LRRC61: variants seen among roughly 807,000 people sequenced by gnomAD.
LRRC61 encodes the protein leucine rich repeat containing 61, also known as leucine-rich repeat-containing protein 61.
A neutral mutation model predicts 15.1 loss-of-function variants in LRRC61; 9 were observed. That is an observed-to-expected ratio of 0.60 (90% CI 0.36 to 1.04). The LOEUF (loss-of-function observed/expected upper bound fraction) is 1.04. Among genes scored for constraint, LRRC61 ranks in the 50% least tolerant of loss-of-function variants. LRRC61 has a pLI of 0.01. For missense variants in LRRC61, 344 were observed against 335.6 expected (o/e 1.03, Z -0.20); for synonymous variants, 173 against 158.6 (o/e 1.09, Z -0.68).
At chr7:150,332,216 C>T (rs1798130082) in intron 2 of LRRC61, 1 of 167,170 alleles carries the variant, frequency 6.0e-6, no homozygotes, top group South Asian at 2.1e-4. Flanking sequence ...TCCTTTAGGG[C>T]AGAGCTGAGG....
At chr7:150,331,324 G>C (rs1798102733) in intron 2 of LRRC61, 1 of 537,760 alleles carries the variant, frequency 1.9e-6, no homozygotes, top group Non-Finnish European at 3.3e-6. Context: ...AGACATGGCA[G>C]GTGCCGGTGC....
In LRRC61 at chr7:150,336,938, G is replaced by A. The variant is rs761091758; in HGVS notation, c.77G>A (p.Gly26Asp). The A allele has an allele frequency of 8.7e-6, 14 of 1,613,790 alleles. No homozygotes were observed. The highest frequency in any genetic ancestry group is 1.6e-4 in the Middle Eastern group (1 of 6,084). ...ITPQLLKSRT[G>D]EFSLESILLL... The stretch of plus-strand genomic sequence containing the variant: ...CCCCAGCTGCTGAAGTCACGCACAG[G>A]CGAGTTCTCCCTGGAGTCCATCCTG... The change falls in exon 3 of 3, where the codon GGC becomes GAC. Residue 26 changes from glycine to aspartate, a missense_variant. Physicochemically the swap from Gly to Asp is moderately conservative, Grantham distance 94 (BLOSUM62 -1). Coordinates refer to ENST00000359623, the MANE Select transcript of LRRC61 (RefSeq NM_001142928.2).
chr7:150,337,197 G>A lies in LRRC61; in HGVS notation c.336G>A (p.Pro112=), dbSNP rs1200431041. ...LNAAGNLLAT[P]GQLQCLAGLP... is the part of the protein sequence containing the mutation. The stretch of plus-strand genomic sequence containing the variant: ...CCGCAGGCAACCTACTGGCCACCCC[G>A]GGCCAGCTGCAGTGTCTGGCTGGGC... The change falls in exon 3 of 3, where the codon CCG becomes CCA. Residue 112 remains proline, a synonymous_variant. Transcript: ENST00000359623. 15 of 1,606,798 alleles carry A rather than the reference G, an allele frequency of 9.3e-6. No individual in the cohort carries two copies. Among genetic ancestry groups the A allele is most frequent in the East Asian group, 2.2e-5 (1 of 44,884 alleles).
Position 150,335,186 on chromosome 7 carries a change from C to T in LRRC61, c.-144-1532C>T, listed in dbSNP as rs916012293. Among the ~76,000 whole-genome samples, 1 of 152,186 alleles carries T rather than the reference C, an allele frequency of 6.6e-6. No individual in the cohort carries two copies. The highest frequency in any genetic ancestry group is 1.5e-5 in the Non-Finnish European group (1 of 68,036). On this transcript the variant is annotated intron_variant, in intron 2 of 2. Transcript: ENST00000359623. This position sits in a 1 kb window ranked among gnomAD's most constrained non-coding sequence, Gnocchi z 4.3. ...TTTCACAGCAGACAGGTTTCTAGTGCCTGGTGCTCCTCCTGCACCCCCCAC... is the reference window on the plus strand; with the variant it reads ...TTTCACAGCAGACAGGTTTCTAGTGTCTGGTGCTCCTCCTGCACCCCCCAC...
intron 2 of LRRC61, chr7:150,334,209 C>A: frequency 1.4e-6 from 1 of 721,712 alleles, no homozygotes; most frequent in Non-Finnish European, 1.7e-6. Context: ...TTCACTTAAC[C>A]TCTGCAGTCC....
In LRRC61 at chr7:150,335,851, C is replaced by T. The variant is rs536033827; in HGVS notation, c.-144-867C>T. On this transcript the variant is annotated intron_variant, in intron 2 of 2. Transcript: ENST00000359623. The surrounding 1 kb of genome is among the most constrained non-coding windows in gnomAD (Gnocchi z 4.3). ...CACCTGGACTCACCTGGTCCTGCAG[C>T]CCCTGGCAATTTGATGTGCCCCTCC... Among the ~76,000 whole-genome samples, 1 of 152,358 alleles carries T rather than the reference C, an allele frequency of 6.6e-6. No homozygotes were observed. The highest frequency in any genetic ancestry group is 2.1e-4 in the South Asian group (1 of 4,832).
chr7:150,327,776 T>C (rs1156362077), intron 2 of LRRC61, among the ~76,000 whole-genome samples: 1 of 146,536 alleles, frequency 6.8e-6, no homozygotes, highest in Non-Finnish European at 1.5e-5. Context: ...GCCAAGATTG[T>C]ACCACTCCAC....
chr7:150,323,512 C>T lies in LRRC61; in HGVS notation c.-363C>T, dbSNP rs1292124776. 2 of 436,178 alleles carry T rather than the reference C, an allele frequency of 4.6e-6. No individual in the cohort carries two copies. The highest frequency in any genetic ancestry group is 3.2e-5 in the South Asian group (2 of 62,918). The allele number at this position is 436,178 out of a possible 1,614,324, so 27.0% of individuals were successfully genotyped here. A position where few individuals can be genotyped will look rare whatever the true frequency, so the allele number is the denominator to read the frequency against. Reference sequence around the variant, plus strand: ...CTCTGCGGTGCGGAGTTGCGCCGGACTTCCCAGCTTGGCCAGTGGCTCCGC... The same window carrying T: ...CTCTGCGGTGCGGAGTTGCGCCGGATTTCCCAGCTTGGCCAGTGGCTCCGC... On this transcript the variant is annotated 5_prime_UTR_variant, in exon 1 of 3. Transcript: ENST00000359623.
At chr7:150,315,842 T>C in the LRRC61 span, among the ~76,000 whole-genome samples, 2 of 148,888 alleles carry the variant, frequency 1.3e-5, no homozygotes, top group African/African-American at 2.5e-5. Flanking sequence ...TTTTTTTTTT[T>C]CACTTAACGA....
Position 150,337,287 on chromosome 7 carries a change from CA to C in LRRC61, c.428del (p.Asn143ThrfsTer15). On this transcript the variant is annotated frameshift_variant, in exon 3 of 3. Transcript: ENST00000359623. LOFTEE classifies it high-confidence loss of function. ...LARLSNPLCA[N>X]PSYWAAVREL... ...CCCGGCTCAGCAACCCGCTCTGTGC[CA>C]ACCCCTCCTACTGGGCTGCAGTCCG... is the stretch of plus-strand genomic sequence containing the variant. The C allele has an allele frequency of 6.2e-7, 1 of 1,603,776 alleles. No individual in the cohort carries two copies. The highest frequency in any genetic ancestry group is 8.5e-7 in the Non-Finnish European group (1 of 1,179,918).
In LRRC61 at chr7:150,333,810, A is replaced by T; in HGVS notation, c.-144-2908A>T. The T allele has an allele frequency of 2.7e-6, 2 of 742,012 alleles. No homozygotes were observed. Among genetic ancestry groups the T allele is most frequent in the Non-Finnish European group, 3.3e-6 (2 of 608,146 alleles). The allele number at this position is 742,012 out of a possible 1,614,324, so 46.0% of individuals were successfully genotyped here. A position where few individuals can be genotyped will look rare whatever the true frequency, so the allele number is the denominator to read the frequency against. On this transcript the variant is annotated intron_variant, in intron 2 of 2. Coordinates refer to ENST00000359623, the MANE Select transcript of LRRC61 (RefSeq NM_001142928.2). This position sits in a 1 kb window ranked among gnomAD's most constrained non-coding sequence, Gnocchi z 4.3. ...TGTGTCTGCGGGCAGCCTGATGGTT[A>T]GTTGGGTCTGCACAGGTGGGCGCCG... is the stretch of plus-strand genomic sequence containing the variant.
the LRRC61 span, among the ~76,000 whole-genome samples, chr7:150,316,336 T>C: frequency 6.6e-6 from 1 of 152,244 alleles, no homozygotes; most frequent in Non-Finnish European, 1.5e-5. Flanking sequence ...ATTGCACACA[T>C]ACATAGTGTT....
At chr7:150,332,250 G>T (rs1378669794) in intron 2 of LRRC61, 1 of 167,274 alleles carries the variant, frequency 6.0e-6, no homozygotes, top group East Asian at 1.9e-4. Context: ...GAACCAGTGG[G>T]ATTGGATGGG....
chr7:150,324,357 G>A (rs1277545507), intron 1 of LRRC61: 2 of 152,366 alleles, frequency 1.3e-5, no homozygotes, highest in Non-Finnish European at 2.9e-5. Flanking sequence ...TTCTCTTGCA[G>A]GCACAAGAGA....
upstream of LRRC61, among the ~76,000 whole-genome samples, chr7:150,321,477 C>G (rs1002070090): frequency 2.0e-5 from 3 of 152,190 alleles, no homozygotes; most frequent in Non-Finnish European, 2.9e-5. Flanking sequence ...GGGTGGCACA[C>G]ACCTGCAATC....
At chr7:150,322,143 G>A (rs533247860), upstream of LRRC61, among the ~76,000 whole-genome samples, 24 of 152,346 alleles carry the variant, frequency 1.6e-4, no homozygotes, top group African/African-American at 5.3e-4. Context: ...GTGGATGCAG[G>A]CCCAGATGTT....
At chr7:150,336,277 T>G (rs1798286932) in intron 2 of LRRC61, among the ~76,000 whole-genome samples, 1 of 152,194 alleles carries the variant, frequency 6.6e-6, no homozygotes, top group East Asian at 1.9e-4. Flanking sequence ...GTGCTCTCGT[T>G]TGCATTGCAT....
In LRRC61 at chr7:150,337,058, C is replaced by T; in HGVS notation, c.197C>T (p.Thr66Ile). Residue 66 changes from threonine to isoleucine, a missense_variant, in exon 3 of 3, where the codon ACC (threonine) becomes ATC (isoleucine). Physicochemically the swap from Thr to Ile is moderately conservative, Grantham distance 89 (BLOSUM62 -1). Transcript: ENST00000359623. ...EWLDLSGNAL[T>I]HLGPLASLRQ... ...CTGGACCTATCAGGCAACGCGCTCA[C>T]CCACCTGGGCCCGCTGGCCTCCTTG... is the stretch of plus-strand genomic sequence containing the variant. 2 of 1,613,038 alleles carry T rather than the reference C, an allele frequency of 1.2e-6. No individual in the cohort carries two copies. The highest frequency in any genetic ancestry group is 2.2e-5 in the East Asian group (1 of 44,874).
At position 150,333,725 on chromosome 7, in the gene LRRC61, A is replaced by G. The variant is rs1798188132; in HGVS notation, c.-144-2993A>G. On this transcript the variant is annotated intron_variant, in intron 2 of 2. Transcript: ENST00000359623. The surrounding 1 kb of genome is among the most constrained non-coding windows in gnomAD (Gnocchi z 4.3). ...TTCCCTTCATTTCCATAGTTAGGACAAGGACGGCTCCTTCTGGAGGAGTGC... is the reference window on the plus strand; with the variant it reads ...TTCCCTTCATTTCCATAGTTAGGACGAGGACGGCTCCTTCTGGAGGAGTGC... Among the ~76,000 whole-genome samples, 1 of 152,172 alleles carries G rather than the reference A, an allele frequency of 6.6e-6. No individual in the cohort carries two copies. Among genetic ancestry groups the G allele is most frequent in the Non-Finnish European group, 1.5e-5 (1 of 68,024 alleles).
Sources: allele counts gnomAD v4.1 joint callset (sites outside exome capture counted in the v4.1 genomes callset), GRCh38; gene constraint gnomAD v4.1.1; non-coding constraint Gnocchi (gnomAD v3.1); transcripts MANE v1.5; gene names NCBI Gene and HGNC (gene_info 2026-07-23, HGNC 2026-07-21).